Variants in POLE3 observed in about 807,000 individuals in gnomAD.
POLE3 encodes DNA polymerase epsilon 3, accessory subunit, also known as DNA polymerase epsilon subunit 3.
A neutral mutation model predicts 16.1 loss-of-function variants in POLE3; 10 were observed. The observed-to-expected ratio is 0.62, with a 90% CI of 0.38 to 1.05. The LOEUF (loss-of-function observed/expected upper bound fraction) is 1.05. POLE3 is among the 50% of genes least tolerant of loss of function. The pLI, the probability that POLE3 is intolerant of heterozygous loss-of-function variation, is 0.01. For synonymous variants in POLE3, 83 were observed against 71.0 expected, an observed-to-expected ratio of 1.17 and a Z score of -0.85; for missense variants, 169 against 185.0, an observed-to-expected ratio of 0.91 and a Z score of 0.50.
In POLE3 at chr9:113,408,263, A is replaced by C. The variant is rs1827978881; in HGVS notation, c.*548T>G. On this transcript the variant is annotated 3_prime_UTR_variant, in exon 5 of 5. Coordinates refer to ENST00000374171, the MANE Select transcript of POLE3 (RefSeq NM_017443.5). ...CAAAATTCAGTTAATGCTTCTGTCA[A>C]GTGAAGAGAGAGAACGGATTTTGTT... is the stretch of plus-strand genomic sequence containing the variant. 6.6e-6 allele frequency: 1 copy of C among 152,396 alleles called. No individual in the cohort carries two copies. Among genetic ancestry groups the C allele is most frequent in the Admixed American group, 6.5e-5 (1 of 15,294 alleles). The allele number at this position is 152,396 out of a possible 1,614,324, so 9.4% of individuals were successfully genotyped here.
In POLE3 at chr9:113,410,046, C is replaced by G; in HGVS notation, c.152+9G>C. On this transcript the variant is annotated intron_variant, in intron 3 of 4. Coordinates refer to ENST00000374171, the MANE Select transcript of POLE3 (RefSeq NM_017443.5). ...CCCCGCGCCTCCCTTATGCCTCTGT[C>G]CCGCTCACCAGGATGTGGCGTACAG... 1 of 1,553,454 alleles carries G rather than the reference C, an allele frequency of 6.4e-7. No homozygotes were observed. The highest frequency in any genetic ancestry group is 8.7e-7 in the Non-Finnish European group (1 of 1,149,014).
In POLE3 at chr9:113,409,804, A is replaced by G. The variant is rs41276807; in HGVS notation, c.153-76T>C. On this transcript the variant is annotated intron_variant, in intron 3 of 4. Transcript: ENST00000374171. ...TGGGAAAAGGAGCACCCAGAGGTGG[A>G]ACGGGAAAGCCTGCCTCTTACATGT... 1,622 of 1,000,474 alleles carry G rather than the reference A, an allele frequency of 1.6e-3. 2 individuals are homozygous for G. The highest frequency in any genetic ancestry group is 2.4e-3 in the Non-Finnish European group (1,494 of 630,866). The allele number at this position is 1,000,474 out of a possible 1,614,324, so 62.0% of individuals were successfully genotyped here. A position where few individuals can be genotyped will look rare whatever the true frequency, so the allele number is the denominator to read the frequency against.
intron 4 of POLE3, 56 bp from the exon 5 acceptor site, chr9:113,409,039 T>C: frequency 6.6e-7 from 1 of 1,513,138 alleles, no homozygotes; most frequent in Non-Finnish European, 9.1e-7. Flanking sequence ...CCAGACGGAC[T>C]GCAGGAGCTA....
rs1272613075 is a variant in POLE3, at chr9:113,408,356, T to C, written c.*455A>G. 3.3e-5 allele frequency: 5 copies of C among 153,762 alleles called. No individual in the cohort carries two copies. Among genetic ancestry groups the C allele is most frequent in the African/African-American group, 2.4e-5 (1 of 41,470 alleles). The allele number at this position is 153,762 out of a possible 1,614,324, so 9.5% of individuals were successfully genotyped here. A position where few individuals can be genotyped will look rare whatever the true frequency, so the allele number is the denominator to read the frequency against. On this transcript the variant is annotated 3_prime_UTR_variant, in exon 5 of 5. Coordinates refer to ENST00000374171, the MANE Select transcript of POLE3 (RefSeq NM_017443.5). ...TCTGAGCAGTCTTAGTAAGCTACTA[T>C]TGTCAAAGACTGTGCAATCAAACAT...
In POLE3 at chr9:113,408,910, G is replaced by C; in HGVS notation, c.345C>G (p.Asp115Glu). 1.2e-6 allele frequency: 2 copies of C among 1,612,776 alleles called. No individual in the cohort carries two copies. Among genetic ancestry groups the C allele is most frequent in the Non-Finnish European group, 1.7e-6 (2 of 1,179,362 alleles). The change falls in exon 5 of 5, where the codon GAC (aspartate) becomes GAG (glutamate). Residue 115 changes from aspartate (D) to glutamate (E), a missense_variant. By Grantham distance (45) the Asp-to-Glu change is conservative. Coordinates refer to ENST00000374171, the MANE Select transcript of POLE3 (RefSeq NM_017443.5). ...QKKKDKDKKT[D>E]SEEQDKSRDE... ...CCCTGCTCTTGTCTTGCTCTTCCGA[G>C]TCTGTTTTTTTGTCTTTGTCCTTCT...
rs1172877742 is a variant in POLE3, at chr9:113,410,446, C to T, written c.-115-38G>A. On this transcript the variant is annotated intron_variant, in intron 1 of 4. Coordinates refer to ENST00000374171, the MANE Select transcript of POLE3 (RefSeq NM_017443.5). ...ACAGTGCTCTGAGCGCCATAGCCTC[C>T]CTCCTCCCCCCACAGCCCCGCCTCC... The T allele has an allele frequency of 2.6e-5, 17 of 657,756 alleles. No homozygotes were observed. In the East Asian group the frequency reaches 4.4e-4, roughly 17 times the overall value. 40.7% of individuals were successfully genotyped at this position (657,756 alleles called of 1,614,324 possible). A position where few individuals can be genotyped will look rare whatever the true frequency, so the allele number is the denominator to read the frequency against.
intron 4 of POLE3, among the ~76,000 whole-genome samples, chr9:113,409,341 C>T (rs1356488348): frequency 1.7e-5 from 2 of 116,890 alleles, no homozygotes; most frequent in East Asian, 5.1e-4. Context: ...GCTTGGGTGA[C>T]AGAGCAAGAC....
intron 4 of POLE3, among the ~76,000 whole-genome samples, chr9:113,409,190 C>T (rs568940781): frequency 4.6e-5 from 7 of 151,794 alleles, no homozygotes; most frequent in African/African-American, 1.7e-4. Context: ...GGTGAAACCC[C>T]GTCTCTACAA....
intron 3 of POLE3, 86 bp from the exon 4 acceptor site, chr9:113,409,814 C>G: frequency 1.1e-6 from 1 of 933,026 alleles, no homozygotes; most frequent in Non-Finnish European, 1.7e-6. Context: ...AACGGGAAAG[C>G]CTGCCTCTTA....
chr9:113,410,179 G>A (rs375476023), intron 2 of POLE3, 39 bp from the exon 3 acceptor site: 12 of 1,608,790 alleles, frequency 7.5e-6, no homozygotes, highest in Non-Finnish European at 1.0e-5. Context: ...TGCCGTTCCA[G>A]CACCTGCTTC....
At position 113,407,435 on chromosome 9, in the gene POLE3, G is replaced by A. The variant is rs2792813; in HGVS notation, c.*1376C>T. ...AAAAAGGCTAAGAAAGGCCAACAGA[G>A]ATATTTTAGAAGCAGTTAAAGAGGA... On this transcript the variant is annotated 3_prime_UTR_variant, in exon 5 of 5. Transcript: ENST00000374171. 1.3e-5 allele frequency: 2 copies of A among 152,382 alleles called. No individual in the cohort carries two copies. The highest frequency in any genetic ancestry group is 2.9e-5 in the Non-Finnish European group (2 of 67,948). 9.4% of individuals were successfully genotyped at this position (152,382 alleles called of 1,614,324 possible). A position where few individuals can be genotyped will look rare whatever the true frequency, so the allele number is the denominator to read the frequency against.
At chr9:113,409,937 G>C (rs1290014928) in intron 3 of POLE3, 118 bp downstream of exon 3, 1 of 851,788 alleles carries the variant, frequency 1.2e-6, no homozygotes, top group Non-Finnish European at 1.8e-6. Context: ...AAAACTGGCA[G>C]AGGACTGTGA....
In POLE3 at chr9:113,410,609, C is replaced by T; in HGVS notation, c.-116+8G>A. On this transcript the variant is annotated splice_region_variant and intron_variant, in intron 1 of 4. Coordinates refer to ENST00000374171, the MANE Select transcript of POLE3 (RefSeq NM_017443.5). ...TTCTCGCCATCGCCGCGTCGGGAAC[C>T]TTCTCACCAACTTATTTGGCTCAAT... 2 of 484,224 alleles carry T rather than the reference C, an allele frequency of 4.1e-6. No homozygotes were observed. Among genetic ancestry groups the T allele is most frequent in the South Asian group, 2.6e-5 (1 of 38,428 alleles). The allele number at this position is 484,224 out of a possible 1,614,324, so 30.0% of individuals were successfully genotyped here.
At position 113,408,620 on chromosome 9, in the gene POLE3, A is replaced by T; in HGVS notation, c.*191T>A. 1 of 518,390 alleles carries T rather than the reference A, an allele frequency of 1.9e-6. No individual in the cohort carries two copies. Among genetic ancestry groups the T allele is most frequent in the Admixed American group, 3.2e-5 (1 of 31,500 alleles). 32.1% of individuals were successfully genotyped at this position (518,390 alleles called of 1,614,324 possible). ...CTTCAGATTGATGAAGCAAAACAGG[A>T]TTCTGCTACTCAGATGCTCTGAGTT... On this transcript the variant is annotated 3_prime_UTR_variant, in exon 5 of 5. Transcript: ENST00000374171.
rs35855986 is a variant in POLE3, at chr9:113,408,625, G to A, written c.*186C>T. ...GATTGATGAAGCAAAACAGGATTCT[G>A]CTACTCAGATGCTCTGAGTTTGGTA... On this transcript the variant is annotated 3_prime_UTR_variant, in exon 5 of 5. Transcript: ENST00000374171. 22 of 547,434 alleles carry A rather than the reference G, an allele frequency of 4.0e-5. 1 individual carries two copies. Among genetic ancestry groups the A allele is most frequent in the African/African-American group, 3.0e-4 (16 of 53,442 alleles). The allele number at this position is 547,434 out of a possible 1,614,324, so 33.9% of individuals were successfully genotyped here. A position where few individuals can be genotyped will look rare whatever the true frequency, so the allele number is the denominator to read the frequency against.
Position 113,410,369 on chromosome 9 carries a change from C to T in POLE3, c.-76G>A. On this transcript the variant is annotated 5_prime_UTR_variant, in exon 2 of 5. Transcript: ENST00000374171. ...TGCGTCCGGACTTCCCGCGTCGCTA[C>T]GGTCTGACCCTGCGAGGTTTCCGTT... 2.2e-6 allele frequency: 3 copies of T among 1,375,310 alleles called. No individual in the cohort carries two copies. The highest frequency in any genetic ancestry group is 3.0e-6 in the Non-Finnish European group (3 of 985,636). 85.2% of individuals were successfully genotyped at this position (1,375,310 alleles called of 1,614,324 possible).
At position 113,408,996 on chromosome 9, in the gene POLE3, A is replaced by C; in HGVS notation, c.272-13T>G. ...TCCCGCCTATATGCTGTAAGGACGG[A>C]ACAAGGGGTTAGGAGACAGAGCTGA... On this transcript the variant is annotated splice_polypyrimidine_tract_variant and intron_variant, in intron 4 of 4. Transcript: ENST00000374171. The C allele has an allele frequency of 1.2e-6, 2 of 1,612,662 alleles. No homozygotes were observed. The highest frequency in any genetic ancestry group is 1.7e-6 in the Non-Finnish European group (2 of 1,179,234).
intron 2 of POLE3, 42 bp from the exon 3 acceptor site, chr9:113,410,182 C>G: frequency 6.2e-6 from 10 of 1,609,586 alleles, no homozygotes; most frequent in Non-Finnish European, 8.5e-6. Context: ...CGTTCCAGCA[C>G]CTGCTTCCCT....
chr9:113,408,702 G>C lies in POLE3; in HGVS notation c.*109C>G. The C allele has an allele frequency of 1.2e-6, 1 of 847,512 alleles. No individual in the cohort carries two copies. The highest frequency in any genetic ancestry group is 1.9e-6 in the Non-Finnish European group (1 of 528,332). The allele number at this position is 847,512 out of a possible 1,614,324, so 52.5% of individuals were successfully genotyped here. A position where few individuals can be genotyped will look rare whatever the true frequency, so the allele number is the denominator to read the frequency against. ...TCAGTTTTTATTCTGATCTTTTCAG[G>C]CACTTTTGCCTGAGACTACTCTGCC... On this transcript the variant is annotated 3_prime_UTR_variant, in exon 5 of 5. Transcript: ENST00000374171.
Sources: gnomAD v4.1 joint callset for allele counts (sites outside exome capture counted in the v4.1 genomes callset) on GRCh38, gnomAD v4.1.1 for gene constraint, MANE v1.5 for transcripts, NCBI Gene and HGNC (gene_info 2026-07-23, HGNC 2026-07-21) for gene names.